JAK2: variants seen among roughly 807,000 people sequenced by gnomAD.
JAK2 encodes the protein tyrosine-protein kinase JAK2.
In JAK2, 86 loss-of-function variants were observed where a neutral mutation model predicts 139.3. That is an observed-to-expected ratio of 0.62 (90% CI 0.52 to 0.74). JAK2 has a LOEUF of 0.74. Among genes scored for constraint, JAK2 ranks in the 30% least tolerant of loss-of-function variants. The pLI, the probability that JAK2 is intolerant of heterozygous loss-of-function variation, is 0.00. For synonymous variants in JAK2, 490 were observed against 437.7 expected (o/e 1.12, Z -1.49); for missense variants, 1,421 against 1,360.3 (o/e 1.04, Z -0.70).
At chr9:5,065,900 C>G (rs975720504) in intron 9 of JAK2, among the ~76,000 whole-genome samples, 1 of 152,104 alleles carries the variant, frequency 6.6e-6, no homozygotes, top group East Asian at 1.9e-4. Flanking sequence ...TTAGTCTATG[C>G]TTAATATTTA....
chr9:5,077,006 A>G (rs1289845002), intron 14 of JAK2, among the ~76,000 whole-genome samples: 1 of 152,030 alleles, frequency 6.6e-6, no homozygotes, highest in Non-Finnish European at 1.5e-5. Flanking sequence ...GAATTAAAAG[A>G]TTAAATGGAG....
chr9:4,990,484 G>T (rs1215356395), intron 2 of JAK2, among the ~76,000 whole-genome samples: 1 of 152,134 alleles, frequency 6.6e-6, no homozygotes, highest in Non-Finnish European at 1.5e-5. Context: ...AGCATACAGT[G>T]GGACATATGA....
intron 19 of JAK2, chr9:5,086,125 C>CGCGGCCCCG (rs1450206439): frequency 4.1e-5 from 17 of 417,336 alleles, no homozygotes; most frequent in Admixed American, 1.8e-4. Context: ...GGCAGCGGCG[C>CGCGGCCCCG]GCGGCCCCGG....
At chr9:5,018,538 C>T (rs1412786894) in intron 2 of JAK2, among the ~76,000 whole-genome samples, 7 of 152,064 alleles carry the variant, frequency 4.6e-5, no homozygotes, top group Non-Finnish European at 1.0e-4. Flanking sequence ...GGGGTTTTGC[C>T]ATGTTGTCCA....
At chr9:5,105,095 A>C (rs1163394129) in intron 22 of JAK2, among the ~76,000 whole-genome samples, 1 of 152,226 alleles carries the variant, frequency 6.6e-6, no homozygotes, top group African/African-American at 2.4e-5. Flanking sequence ...AGGGTATTCA[A>C]TTAGGAAAAG....
At chr9:5,057,153 C>T (rs1817821917) in intron 8 of JAK2, among the ~76,000 whole-genome samples, 1 of 151,944 alleles carries the variant, frequency 6.6e-6, no homozygotes, top group Admixed American at 6.6e-5. Flanking sequence ...TCATTTTATT[C>T]ATATTGATAC....
chr9:5,043,970 G>C (rs542203382), intron 4 of JAK2, among the ~76,000 whole-genome samples: 2 of 152,160 alleles, frequency 1.3e-5, no homozygotes, highest in African/African-American at 2.4e-5. Context: ...CTCAATAAAG[G>C]TGTTACTAAA....
At chr9:5,090,308 T>C in intron 20 of JAK2, 138 bp from the exon 21 acceptor site, 1 of 522,988 alleles carries the variant, frequency 1.9e-6, no homozygotes, top group African/African-American at 2.0e-5. Context: ...TTAACAACTA[T>C]ATCACCTTTA....
intron 2 of JAK2, among the ~76,000 whole-genome samples, chr9:5,018,780 G>C (rs1822230275): frequency 6.6e-6 from 1 of 152,162 alleles, no homozygotes; most frequent in Non-Finnish European, 1.5e-5. Flanking sequence ...ATTTTGCTGG[G>C]TATAGTATCC....
At chr9:5,096,720 T>C (rs903457081) in intron 22 of JAK2, 6 of 152,196 alleles carry the variant, frequency 3.9e-5, no homozygotes, top group Admixed American at 1.3e-4. Flanking sequence ...CGGAACACTA[T>C]ACCTGCTGTT....
At chr9:5,056,395 C>T (rs911398019) in intron 8 of JAK2, among the ~76,000 whole-genome samples, 1 of 151,976 alleles carries the variant, frequency 6.6e-6, no homozygotes, top group African/African-American at 2.4e-5. Context: ...AACTCAGATG[C>T]TTCTTGACCC....
intron 23 of JAK2, among the ~76,000 whole-genome samples, chr9:5,125,390 T>C (rs1438281933): frequency 6.6e-6 from 1 of 151,406 alleles, no homozygotes; most frequent in African/African-American, 2.4e-5. Flanking sequence ...AATTGCTGAG[T>C]AGCATTCCAT....
At chr9:5,085,027 G>A in intron 19 of JAK2, 1 of 821,232 alleles carries the variant, frequency 1.2e-6, no homozygotes, top group South Asian at 1.3e-5. Flanking sequence ...ATTTCTGAAA[G>A]TTGAATGAGG....
rs146225956 is a variant in JAK2, at chr9:5,006,393, G to A, written c.-25-15570G>A. On this transcript the variant is annotated intron_variant, in intron 2 of 24. Transcript: ENST00000381652. ...TATCAGCTTAAGGAGATTTTGGGCT[G>A]AGACAATGGGGTTTTCTAGATATAC... Among the ~76,000 whole-genome samples the A allele has an allele frequency of 6.5e-3, 985 of 152,254 alleles. 9 individuals are homozygous for A. The highest frequency in any genetic ancestry group is 0.022 in the African/African-American group (905 of 41,540).
intron 4 of JAK2, chr9:5,041,894 C>T (rs1563949479): frequency 1.9e-5 from 8 of 417,292 alleles, no homozygotes; most frequent in Non-Finnish European, 2.3e-5. Context: ...ATCAGGGCGC[C>T]TGCAGAGATG....
intron 2 of JAK2, among the ~76,000 whole-genome samples, chr9:5,010,914 A>G (rs1410409145): frequency 6.6e-6 from 1 of 152,148 alleles, no homozygotes; most frequent in Non-Finnish European, 1.5e-5. Context: ...AGGATTGTAG[A>G]ATTCTGGGTT....
At chr9:5,019,245 T>C (rs1409239634) in intron 2 of JAK2, among the ~76,000 whole-genome samples, 4 of 152,190 alleles carry the variant, frequency 2.6e-5, no homozygotes, top group Non-Finnish European at 4.4e-5. Flanking sequence ...TTGTTCATTC[T>C]TTTTTCTTTA....
rs1427234118 is a variant in JAK2, at chr9:5,126,811, G to C, written c.*20G>C. Reference sequence around the variant, plus strand: ...GGATGAAAGAAATGACCTTCATTCTGAGACCAAAGTAGATTTACAGAACAA... The same window carrying C: ...GGATGAAAGAAATGACCTTCATTCTCAGACCAAAGTAGATTTACAGAACAA... On this transcript the variant is annotated 3_prime_UTR_variant, in exon 25 of 25. Coordinates refer to ENST00000381652, the MANE Select transcript of JAK2 (RefSeq NM_004972.4). 2 of 1,457,974 alleles carry C rather than the reference G, an allele frequency of 1.4e-6. No homozygotes were observed. The highest frequency in any genetic ancestry group is 1.4e-5 in the African/African-American group (1 of 71,384). 90.3% of individuals were successfully genotyped at this position (1,457,974 alleles called of 1,614,324 possible). A position where few individuals can be genotyped will look rare whatever the true frequency, so the allele number is the denominator to read the frequency against.
At chr9:5,119,785 C>T (rs1823473631) in intron 22 of JAK2, among the ~76,000 whole-genome samples, 1 of 152,034 alleles carries the variant, frequency 6.6e-6, no homozygotes, top group Non-Finnish European at 1.5e-5. Context: ...TCAAAATTTT[C>T]ATATGTACTT....
Sources: allele counts gnomAD v4.1 joint callset (sites outside exome capture counted in the v4.1 genomes callset), GRCh38; gene constraint gnomAD v4.1.1; transcripts MANE v1.5; gene names NCBI Gene and HGNC (gene_info 2026-07-23, HGNC 2026-07-21).